ALG9: variants seen among roughly 807,000 people sequenced by gnomAD.
The protein encoded by ALG9 is ALG9 alpha-1,2-mannosyltransferase.
Under a neutral mutation model 81.8 loss-of-function variants are expected in ALG9, and 55 were observed. The ratio of observed to expected loss-of-function variants is 0.67; its 90% CI spans 0.54 to 0.84. The LOEUF (loss-of-function observed/expected upper bound fraction) is 0.84, where lower values mean the gene tolerates loss of function less well. Among genes scored for constraint, ALG9 ranks in the 40% least tolerant of loss-of-function variants. The pLI is 0.00. For missense variants in ALG9, 629 were observed against 745.0 expected, an observed-to-expected ratio of 0.84 and a Z score of 1.81; for synonymous variants, 278 against 274.3, an observed-to-expected ratio of 1.01 and a Z score of -0.13.
intron 14 of ALG9, among the ~76,000 whole-genome samples, chr11:111,795,976 T>C (rs1555075073): frequency 6.6e-6 from 1 of 152,212 alleles, no homozygotes; most frequent in South Asian, 2.1e-4. Flanking sequence ...AGGATGCCAA[T>C]GTTCGAGAGA....
At chr11:111,840,137 A>G (rs921847272) in intron 10 of ALG9, among the ~76,000 whole-genome samples, 1 of 152,056 alleles carries the variant, frequency 6.6e-6, no homozygotes, top group East Asian at 1.9e-4. Context: ...CATCCTAATT[A>G]TTTTTTTTCT....
At chr11:111,810,998 C>A (rs1249092037) in intron 13 of ALG9, among the ~76,000 whole-genome samples, 4 of 151,890 alleles carry the variant, frequency 2.6e-5, no homozygotes, top group Admixed American at 2.6e-4. Flanking sequence ...AAACACAGGG[C>A]AGAAGAAACA....
intron 13 of ALG9, among the ~76,000 whole-genome samples, chr11:111,830,221 AG>A (rs1954110224): frequency 6.6e-6 from 1 of 152,236 alleles, no homozygotes; most frequent in Admixed American, 6.5e-5. Context: ...AAGAACATGG[AG>A]GCCTGGGAGG....
chr11:111,871,516 A>G lies in ALG9; in HGVS notation c.-34T>C, dbSNP rs1555159184. 6.5e-6 allele frequency: 10 copies of G among 1,535,444 alleles called. No homozygotes were observed. The highest frequency in any genetic ancestry group is 1.2e-5 in the South Asian group (1 of 83,830). Reference sequence around the variant, plus strand: ...TGGGGAAAAAAGAATTCGGCACCCTATGAAGTCGGTGAGCGCGCAGACATA... The same window carrying G: ...TGGGGAAAAAAGAATTCGGCACCCTGTGAAGTCGGTGAGCGCGCAGACATA... On this transcript the variant is annotated 5_prime_UTR_variant, in exon 1 of 15. An upstream open reading frame in the 5' UTR loses its in-frame stop. Transcript: ENST00000616540.
chr11:111,812,555 A>T (rs1229294031), intron 13 of ALG9, among the ~76,000 whole-genome samples: 4 of 152,032 alleles, frequency 2.6e-5, no homozygotes, highest in Non-Finnish European at 4.4e-5. Context: ...TGACACAGCA[A>T]GACCTCATCA....
chr11:111,776,029 G>T, the ALG9 span, among the ~76,000 whole-genome samples: 2 of 152,122 alleles, frequency 1.3e-5, no homozygotes, highest in African/African-American at 2.4e-5. Context: ...TAAGGTTGTT[G>T]TGACGACTAT....
chr11:111,852,895 T>G (rs1444059554), intron 8 of ALG9, among the ~76,000 whole-genome samples: 1 of 144,328 alleles, frequency 6.9e-6, no homozygotes, highest in East Asian at 2.0e-4. Context: ...GGAGCCAAGA[T>G]CGCGCCACTG....
the ALG9 span, among the ~76,000 whole-genome samples, chr11:111,775,158 C>T: frequency 6.6e-6 from 1 of 152,134 alleles, no homozygotes; most frequent in African/African-American, 2.4e-5. Flanking sequence ...GCACACTGCC[C>T]CCAGGATCCA....
rs1050364950 is a variant in ALG9 at position 111,836,203 on chromosome 11, C to T, written c.1564G>A (p.Asp522Asn). ...TCTTCTAGATTCTGGTCATTCATGT[C>T]AGTAGGAACAATCCGGGTGGCCAGA... ...GPLATRIVPT[D>N]MNDQNLEEPS... Residue 522 changes from aspartate (D) to asparagine (N), a missense_variant, in exon 13 of 15, where the codon GAC (aspartate) becomes AAC (asparagine). By Grantham distance (23) the Asp-to-Asn change is conservative. Around this residue, in one of 3 missense-constraint regions of ALG9, gnomAD observed 264 missense variants for 302.2 expected, o/e 0.87. Coordinates refer to ENST00000616540, the MANE Select transcript of ALG9 (RefSeq NM_024740.2). 1.9e-6 allele frequency: 3 copies of T among 1,613,860 alleles called. No individual in the cohort carries two copies. Among genetic ancestry groups the T allele is most frequent in the Non-Finnish European group, 2.5e-6 (3 of 1,179,920 alleles).
chr11:111,852,625 C>T (rs577196319), intron 8 of ALG9, among the ~76,000 whole-genome samples: 36 of 152,222 alleles, frequency 2.4e-4, no homozygotes, highest in African/African-American at 8.7e-4. Context: ...AAAGTAACAT[C>T]AAATGTGTGT....
At chr11:111,804,026 G>A (rs562264099) in intron 14 of ALG9, among the ~76,000 whole-genome samples, 11 of 151,740 alleles carry the variant, frequency 7.2e-5, no homozygotes, top group South Asian at 2.1e-4. Flanking sequence ...CCAGCTACTC[G>A]GGAGGCTGAG....
intron 8 of ALG9, among the ~76,000 whole-genome samples, chr11:111,852,226 A>G (rs1555139200): frequency 1.3e-5 from 2 of 152,208 alleles, no homozygotes; most frequent in African/African-American, 4.8e-5. Flanking sequence ...ATGTTCCAAG[A>G]CCCTCAAAAG....
chr11:111,799,698 T>C (rs1948822280), intron 14 of ALG9, among the ~76,000 whole-genome samples: 1 of 152,180 alleles, frequency 6.6e-6, no homozygotes, highest in Admixed American at 6.5e-5. Flanking sequence ...TCGGGTCACA[T>C]TAAAGCAAGA....
intron 9 of ALG9, 120 bp from the exon 10 acceptor site, chr11:111,840,929 T>C: frequency 8.4e-7 from 1 of 1,194,602 alleles, no homozygotes; most frequent in Non-Finnish European, 1.2e-6. Flanking sequence ...ATAGAATGTT[T>C]CTACTCTTGT....
chr11:111,826,393 AAAAAAAAAAAC>A (rs1367662300), intron 13 of ALG9, among the ~76,000 whole-genome samples: 2 of 17,006 alleles, frequency 1.2e-4, no homozygotes, highest in Non-Finnish European at 2.1e-4. Flanking sequence ...CCAGAGTTTA[AAAAAAAAAAAC>A]AAAAAAAAAC....
At chr11:111,868,846 C>T (rs1352904258) in intron 2 of ALG9, 110 bp from the exon 3 acceptor site, 5 of 1,124,044 alleles carry the variant, frequency 4.4e-6, no homozygotes, top group Non-Finnish European at 6.1e-6. Flanking sequence ...GCAAGCCAGG[C>T]ACGATGCCTC....
chr11:111,826,050 G>C (rs1157571996), intron 13 of ALG9, among the ~76,000 whole-genome samples: 2 of 130,870 alleles, frequency 1.5e-5, no homozygotes, highest in Middle Eastern at 4.2e-3. Flanking sequence ...TGGGCAACAA[G>C]AGCAAAACTC....
rs1555062127 is a variant in ALG9, at chr11:111,785,488, G to A, written c.*909C>T. The stretch of plus-strand genomic sequence containing the variant: ...TAAATATACACTGATCCTTTTCACT[G>A]GGGGTGGTTAAAAAAAAAGGAAAAT... On this transcript the variant is annotated 3_prime_UTR_variant, in exon 15 of 15. Transcript: ENST00000616540. The A allele has an allele frequency of 6.5e-6, 1 of 153,958 alleles. No homozygotes were observed. The highest frequency in any genetic ancestry group is 1.9e-4 in the East Asian group (1 of 5,212). 9.5% of individuals were successfully genotyped at this position (153,958 alleles called of 1,614,324 possible).
At chr11:111,773,708 A>G in the ALG9 span, among the ~76,000 whole-genome samples, 2 of 151,872 alleles carry the variant, frequency 1.3e-5, no homozygotes, top group East Asian at 3.9e-4. Context: ...GTGTTAAGTG[A>G]AAAAGCATAG....
Sources: allele counts gnomAD v4.1 joint callset (sites outside exome capture counted in the v4.1 genomes callset), GRCh38; gene constraint gnomAD v4.1.1; regional missense constraint gnomAD v4.1.1; transcripts MANE v1.5; gene names NCBI Gene and HGNC (gene_info 2026-07-23, HGNC 2026-07-21).